TCF7L1: variants seen among roughly 807,000 people sequenced by gnomAD.
The protein encoded by TCF7L1 is transcription factor 7-like 1.
In TCF7L1, 18 loss-of-function variants were observed where a neutral mutation model predicts 63.7. The ratio of observed to expected loss-of-function variants is 0.28; its 90% CI spans 0.20 to 0.42. The LOEUF (loss-of-function observed/expected upper bound fraction) is 0.42. Ranked by LOEUF, TCF7L1 falls within the 10% of genes least tolerant of loss-of-function variation. TCF7L1 has a pLI of 1.00. For synonymous variants in TCF7L1, 355 were observed against 340.9 expected (o/e 1.04, Z -0.46); for missense variants, 654 against 779.3 (o/e 0.84, Z 1.91).
At position 85,309,457 on chromosome 2, in the gene TCF7L1, C is replaced by T; in HGVS notation, c.1762C>T (p.His588Tyr). 6.6e-7 allele frequency: 1 copy of T among 1,521,006 alleles called. No homozygotes were observed. The highest frequency in any genetic ancestry group is 8.8e-7 in the Non-Finnish European group (1 of 1,135,130). The allele number at this position is 1,521,006 out of a possible 1,614,324, so 94.2% of individuals were successfully genotyped here. ...TCTTTCCCTGGTCACCAAGTCTGCC[C>T]ACTAAGCTCCCCCCGACCCCTGCAG... is the stretch of plus-strand genomic sequence containing the variant. ...QPLSLVTKSAH is the reference protein window; with the variant it reads ...QPLSLVTKSAY The change falls in exon 12 of 12, where the codon CAC (histidine) becomes TAC (tyrosine). Residue 588 changes from histidine (H) to tyrosine (Y), a missense_variant. By Grantham distance (83) the His-to-Tyr change is moderately conservative. This residue lies in a region of TCF7L1 where 184 missense variants were observed against 204.0 expected (regional missense o/e 0.90). Coordinates refer to ENST00000282111, the MANE Select transcript of TCF7L1 (RefSeq NM_031283.3).
At chr2:85,141,746 A>G (rs1452169021) in intron 3 of TCF7L1, among the ~76,000 whole-genome samples, 1 of 152,222 alleles carries the variant, frequency 6.6e-6, no homozygotes, top group Admixed American at 6.5e-5. Flanking sequence ...TTCTTACTTC[A>G]TCCGTGGAGG....
At chr2:85,264,694 T>C (rs1680929140) in intron 3 of TCF7L1, among the ~76,000 whole-genome samples, 1 of 152,176 alleles carries the variant, frequency 6.6e-6, no homozygotes, top group African/African-American at 2.4e-5. Flanking sequence ...TGCTCTGAAA[T>C]GTACCCTCCT....
chr2:85,136,701 T>C (rs1380825874), intron 3 of TCF7L1, among the ~76,000 whole-genome samples: 2 of 152,200 alleles, frequency 1.3e-5, no homozygotes, highest in Admixed American at 6.5e-5. Flanking sequence ...TTCGCTGTGT[T>C]AGTTCACGGA....
chr2:85,280,209 G>A (rs1330969274), intron 3 of TCF7L1, among the ~76,000 whole-genome samples: 1 of 152,144 alleles, frequency 6.6e-6, no homozygotes, highest in East Asian at 1.9e-4. Context: ...AAAATCTGGA[G>A]ATATTTCTGA....
intron 3 of TCF7L1, among the ~76,000 whole-genome samples, chr2:85,169,198 T>G (rs576004484): frequency 6.6e-6 from 1 of 152,238 alleles, no homozygotes; most frequent in East Asian, 1.9e-4. Context: ...TCAGCCTTCC[T>G]TCTCATCAGT....
chr2:85,135,592 G>A (rs1252932874), intron 3 of TCF7L1, among the ~76,000 whole-genome samples: 1 of 152,012 alleles, frequency 6.6e-6, no homozygotes, highest in African/African-American at 2.4e-5. Context: ...GCTAGGTGCT[G>A]AATGGCCATT....
Position 85,170,592 on chromosome 2 carries a change from G to A in TCF7L1, c.441+36142G>A, listed in dbSNP as rs377307209. On this transcript the variant is annotated intron_variant, in intron 3 of 11. Coordinates refer to ENST00000282111, the MANE Select transcript of TCF7L1 (RefSeq NM_031283.3). ...GACTTCTTCCCTTATTGTAAAGGGG[G>A]AGAGTTCTCTCTGATTCTTCTTCCT... 1.9e-4 allele frequency among the ~76,000 whole-genome samples: 29 copies of A among 152,198 alleles called. No individual in the cohort carries two copies. The East Asian group carries it at 4.1e-3, about 21-fold the overall frequency.
At chr2:85,244,062 A>G (rs891824152) in intron 3 of TCF7L1, among the ~76,000 whole-genome samples, 2 of 152,230 alleles carry the variant, frequency 1.3e-5, no homozygotes, top group Non-Finnish European at 2.9e-5. Context: ...CTCTATAGAC[A>G]CATACACGGG....
intron 3 of TCF7L1, among the ~76,000 whole-genome samples, chr2:85,151,098 T>C (rs1176394052): frequency 6.6e-6 from 1 of 152,248 alleles, no homozygotes; most frequent in African/African-American, 2.4e-5. Context: ...GAAGCTTTTA[T>C]AGTCTTTATT....
In TCF7L1 at chr2:85,134,062, G is replaced by C. The variant is rs1455615419; in HGVS notation, c.296G>C (p.Arg99Pro). 1 of 1,610,212 alleles carries C rather than the reference G, an allele frequency of 6.2e-7. No individual in the cohort carries two copies. The highest frequency in any genetic ancestry group is 1.3e-5 in the African/African-American group (1 of 74,494). Residue 99 changes from arginine to proline, a missense_variant, in exon 2 of 12, where the codon CGG becomes CCG. Arg to Pro is a moderately radical substitution (Grantham distance 103, BLOSUM62 -2). Coordinates refer to ENST00000282111, the MANE Select transcript of TCF7L1 (RefSeq NM_031283.3). This position sits in a 1 kb window ranked among gnomAD's most constrained non-coding sequence, Gnocchi z 5.0. ...QPVRDTFQKPRDYFAEVRRPQ... is the reference protein window; with the variant it reads ...QPVRDTFQKPPDYFAEVRRPQ... ...GTCCGGGACACTTTCCAGAAGCCGC[G>C]GGACTATTTCGCCGAAGGTATGTGC...
In TCF7L1 at chr2:85,306,608, C is replaced by G; in HGVS notation, c.1257+49C>G. The G allele has an allele frequency of 6.8e-7, 1 of 1,473,574 alleles. No individual in the cohort carries two copies. Among genetic ancestry groups the G allele is most frequent in the East Asian group, 2.3e-5 (1 of 43,696 alleles). 91.3% of individuals were successfully genotyped at this position (1,473,574 alleles called of 1,614,324 possible). A position where few individuals can be genotyped will look rare whatever the true frequency, so the allele number is the denominator to read the frequency against. On this transcript the variant is annotated intron_variant, in intron 10 of 11. Transcript: ENST00000282111. The surrounding 1 kb of genome is among the most constrained non-coding windows in gnomAD (Gnocchi z 4.3). ...GACGCTCAGACCCCAGGAACAGCCT[C>G]TGCAAGAGGAGGAAGGGTGAAGGAA...
At chr2:85,254,975 A>G (rs150756423) in intron 3 of TCF7L1, among the ~76,000 whole-genome samples, 284 of 152,310 alleles carry the variant, frequency 1.9e-3, no homozygotes, top group African/African-American at 6.0e-3. Flanking sequence ...CGCAGCTGCA[A>G]CTGGCTGTCT....
At chr2:85,140,963 G>C (rs1051820724) in intron 3 of TCF7L1, among the ~76,000 whole-genome samples, 1 of 152,068 alleles carries the variant, frequency 6.6e-6, no homozygotes, top group African/African-American at 2.4e-5. Flanking sequence ...GCCACAGAGA[G>C]AGAGGGGACA....
At chr2:85,231,898 G>A (rs886876200) in intron 3 of TCF7L1, among the ~76,000 whole-genome samples, 7 of 152,152 alleles carry the variant, frequency 4.6e-5, no homozygotes, top group African/African-American at 1.7e-4. Context: ...GAGTCAGAGA[G>A]CTTCCCTGTG....
In TCF7L1 at chr2:85,283,374, A is replaced by T. The variant is rs138143332; in HGVS notation, c.442-121A>T. On this transcript the variant is annotated intron_variant, in intron 3 of 11. Transcript: ENST00000282111. ...ATTGACCCAGTACAGGGCATGTGGC[A>T]TGAAAATGCAGGCCACCCCAATGGC... The T allele has an allele frequency of 1.3e-5, 12 of 942,078 alleles. No homozygotes were observed. The African/African-American group carries it at 1.7e-4, about 13-fold the overall frequency. The allele number at this position is 942,078 out of a possible 1,614,324, so 58.4% of individuals were successfully genotyped here.
At chr2:85,156,281 T>C (rs1437388271) in intron 3 of TCF7L1, among the ~76,000 whole-genome samples, 1 of 152,230 alleles carries the variant, frequency 6.6e-6, no homozygotes, top group Non-Finnish European at 1.5e-5. Flanking sequence ...CATTGAGAAG[T>C]CTGGTCAAAT....
In TCF7L1 at chr2:85,134,376, C is replaced by A; in HGVS notation, c.367C>A (p.Pro123Thr). Residue 123 changes from proline to threonine, a missense_variant, in exon 3 of 12, where the codon CCC becomes ACC. By Grantham distance (38) the Pro-to-Thr change is conservative (BLOSUM62 -1). This residue lies in a region of TCF7L1 where 404 missense variants were observed against 454.8 expected (regional missense o/e 0.89). Transcript: ENST00000282111. This position sits in a 1 kb window ranked among gnomAD's most constrained non-coding sequence, Gnocchi z 5.0. The part of the protein sequence containing the change: ...FFKGPPYPGY[P>T]FLMIPDLSSP... ...TAAAGGACCCCCGTACCCTGGGTACCCCTTCCTGATGATCCCGGACCTGAG... is the reference window on the plus strand; with the variant it reads ...TAAAGGACCCCCGTACCCTGGGTACACCTTCCTGATGATCCCGGACCTGAG... The A allele has an allele frequency of 6.3e-7, 1 of 1,578,890 alleles. No homozygotes were observed. Among genetic ancestry groups the A allele is most frequent in the South Asian group, 1.2e-5 (1 of 86,406 alleles).
chr2:85,267,416 G>A (rs1277020529), intron 3 of TCF7L1, among the ~76,000 whole-genome samples: 2 of 151,064 alleles, frequency 1.3e-5, no homozygotes, highest in Admixed American at 6.6e-5. Context: ...TTGGGAGGCC[G>A]AGGCAGGTGG....
At chr2:85,245,608 C>G (rs1482160328) in intron 3 of TCF7L1, among the ~76,000 whole-genome samples, 1 of 151,886 alleles carries the variant, frequency 6.6e-6, no homozygotes, top group Non-Finnish European at 1.5e-5. Context: ...GTCAGGAGAT[C>G]GAGACCATCC....
Sources: gnomAD v4.1 joint callset for allele counts (sites outside exome capture counted in the v4.1 genomes callset) on GRCh38, gnomAD v4.1.1 for gene constraint, gnomAD v4.1.1 regional missense constraint, Gnocchi (gnomAD v3.1) non-coding constraint, MANE v1.5 for transcripts, NCBI Gene and HGNC (gene_info 2026-07-23, HGNC 2026-07-21) for gene names.